The following CLEC2L variants were observed in gnomAD, a reference collection of about 807,000 sequenced individuals.
CLEC2L encodes C-type lectin domain family 2, member L.
In CLEC2L, 14 loss-of-function variants were observed where a neutral mutation model predicts 23.6. The ratio of observed to expected loss-of-function variants is 0.59; its 90% CI spans 0.39 to 0.93. The LOEUF is 0.93. CLEC2L is among the 40% of genes least tolerant of loss of function. The pLI, the probability that CLEC2L is intolerant of heterozygous loss-of-function variation, is 0.00. For missense variants in CLEC2L, 264 were observed against 282.4 expected (o/e 0.93, Z 0.47); for synonymous variants, 114 against 121.3 (o/e 0.94, Z 0.40).
rs538573610 is a variant in CLEC2L, at chr7:139,538,511, G to C, written c.266-1810G>C. On this transcript the variant is annotated intron_variant, in intron 2 of 4. Transcript: ENST00000422142. Reference sequence around the variant, plus strand: ...CGCCTGTAATCCCAGCACTTTGGGAGGTCCAGGTGGGTGGATCACAAGGTC... The same window carrying C: ...CGCCTGTAATCCCAGCACTTTGGGACGTCCAGGTGGGTGGATCACAAGGTC... 6.7e-3 allele frequency among the ~76,000 whole-genome samples: 1,011 copies of C among 151,578 alleles called. 4 individuals carry two copies. The highest frequency in any genetic ancestry group is 9.4e-3 in the Non-Finnish European group (637 of 67,970).
At chr7:139,528,070 C>A (rs960371869) in intron 1 of CLEC2L, among the ~76,000 whole-genome samples, 2 of 152,110 alleles carry the variant, frequency 1.3e-5, no homozygotes, top group African/African-American at 4.8e-5. Flanking sequence ...ATAAACTACA[C>A]CCTTATACGC....
chr7:139,534,733 C>T (rs554313422), intron 1 of CLEC2L, among the ~76,000 whole-genome samples: 2 of 151,846 alleles, frequency 1.3e-5, no homozygotes, highest in South Asian at 2.1e-4. Context: ...CCCCGTTGCC[C>T]CCTCTTTTTT....
intron 4 of CLEC2L, among the ~76,000 whole-genome samples, chr7:139,543,936 A>T (rs113895925): frequency 0.017 from 2,515 of 152,248 alleles, 86 homozygotes; most frequent in African/African-American, 0.057. Context: ...ACTGGGTGCC[A>T]TGGAGCCTGG....
Position 139,539,987 on chromosome 7 carries a change from G to T in CLEC2L, c.266-334G>T. ...TGTCCTGCTGTTGGTACCTGGCCTA[G>T]CTGGAAGGAGAGGACACATAGCCGC... On this transcript the variant is annotated intron_variant, in intron 2 of 4. Coordinates refer to ENST00000422142, the MANE Select transcript of CLEC2L (RefSeq NM_001080511.4). This position sits in a 1 kb window ranked among gnomAD's most constrained non-coding sequence, Gnocchi z 4.1. 3.3e-6 allele frequency: 1 copy of T among 306,042 alleles called. No individual in the cohort carries two copies. The highest frequency in any genetic ancestry group is 6.2e-6 in the Non-Finnish European group (1 of 161,050). 19.0% of individuals were successfully genotyped at this position (306,042 alleles called of 1,614,324 possible). A position where few individuals can be genotyped will look rare whatever the true frequency, so the allele number is the denominator to read the frequency against.
At position 139,540,182 on chromosome 7, in the gene CLEC2L, C is replaced by G. The variant is rs1261621682; in HGVS notation, c.266-139C>G. 1.3e-6 allele frequency: 1 copy of G among 791,512 alleles called. No individual in the cohort carries two copies. Among genetic ancestry groups the G allele is most frequent in the African/African-American group, 1.7e-5 (1 of 57,526 alleles). 49.0% of individuals were successfully genotyped at this position (791,512 alleles called of 1,614,324 possible). Reference sequence around the variant, plus strand: ...TCATTTAGTGGCCACCCTTTTACCTCCAGGCACCAGGAGAGGACAGCCACA... The same window carrying G: ...TCATTTAGTGGCCACCCTTTTACCTGCAGGCACCAGGAGAGGACAGCCACA... On this transcript the variant is annotated intron_variant, in intron 2 of 4. Coordinates refer to ENST00000422142, the MANE Select transcript of CLEC2L (RefSeq NM_001080511.4). This position sits in a 1 kb window ranked among gnomAD's most constrained non-coding sequence, Gnocchi z 5.8.
intron 4 of CLEC2L, 72 bp from the exon 5 acceptor site, chr7:139,544,159 G>T (rs1227276087): frequency 3.6e-6 from 4 of 1,125,544 alleles, no homozygotes; most frequent in East Asian, 2.5e-5. Context: ...GGCCTCCATG[G>T]CCTCCCCTGC....
intron 1 of CLEC2L, among the ~76,000 whole-genome samples, chr7:139,533,821 G>GA (rs1388676361): frequency 1.3e-5 from 2 of 152,204 alleles, no homozygotes; most frequent in East Asian, 1.9e-4. Flanking sequence ...AATTGCTACA[G>GA]ATTCTTCCTC....
At chr7:139,525,055 G>A (rs1328131788) in intron 1 of CLEC2L, among the ~76,000 whole-genome samples, 3 of 152,196 alleles carry the variant, frequency 2.0e-5, no homozygotes, top group Non-Finnish European at 4.4e-5. Flanking sequence ...TCTGTGCCAC[G>A]TGGGAACTGA....
At chr7:139,536,478 A>G in intron 2 of CLEC2L, 130 bp downstream of exon 2, 1 of 752,876 alleles carries the variant, frequency 1.3e-6, no homozygotes, top group Non-Finnish European at 2.2e-6. Context: ...TAGAAAATAC[A>G]TAGTGTCAGT....
At chr7:139,525,480 G>A (rs116375089) in intron 1 of CLEC2L, among the ~76,000 whole-genome samples, 1,593 of 152,156 alleles carry the variant, frequency 0.01, 24 homozygotes, top group African/African-American at 0.036. Flanking sequence ...GCGTCACCAA[G>A]GAGAAGAGCT....
At chr7:139,525,193 T>G (rs1797489732) in intron 1 of CLEC2L, among the ~76,000 whole-genome samples, 1 of 140,834 alleles carries the variant, frequency 7.1e-6, no homozygotes, top group Non-Finnish European at 1.5e-5. Flanking sequence ...GGGGTGGAGA[T>G]GGTGGGCTTG....
chr7:139,534,574 G>T, intron 1 of CLEC2L: 1 of 736,038 alleles, frequency 1.4e-6, no homozygotes, highest in South Asian at 1.4e-5. Flanking sequence ...GAAGCATTAG[G>T]GGGGTTGGGG....
At chr7:139,537,258 G>A (rs1797673083) in intron 2 of CLEC2L, among the ~76,000 whole-genome samples, 2 of 152,122 alleles carry the variant, frequency 1.3e-5, no homozygotes, top group African/African-American at 2.4e-5. Flanking sequence ...GCCCTCTTAA[G>A]TTCAGTGTCT....
At chr7:139,534,965 A>G (rs1797632146) in intron 1 of CLEC2L, among the ~76,000 whole-genome samples, 1 of 151,624 alleles carries the variant, frequency 6.6e-6, no homozygotes, top group African/African-American at 2.4e-5. Context: ...CTTTAGTAAA[A>G]AAAAAAAAAA....
chr7:139,542,465 G>C (rs1247422159), intron 4 of CLEC2L, among the ~76,000 whole-genome samples: 1 of 152,172 alleles, frequency 6.6e-6, no homozygotes, highest in Non-Finnish European at 1.5e-5. Flanking sequence ...AGCCAGAACG[G>C]GACAGAGAAT....
rs1797723377 is a variant in CLEC2L at position 139,540,828 on chromosome 7, A to AG, written c.432+343dup. The stretch of plus-strand genomic sequence containing the variant: ...CAGCTACTCAGGAGGCTGAGGCAGG[A>AG]GGATCACTTGAGCCCAGGAGTTGGG... On this transcript the variant is annotated intron_variant, in intron 3 of 4. Coordinates refer to ENST00000422142, the MANE Select transcript of CLEC2L (RefSeq NM_001080511.4). This position sits in a 1 kb window ranked among gnomAD's most constrained non-coding sequence, Gnocchi z 5.8. Among the ~76,000 whole-genome samples the AG allele has an allele frequency of 6.6e-6, 1 of 152,190 alleles. No individual in the cohort carries two copies. The highest frequency in any genetic ancestry group is 6.5e-5 in the Admixed American group (1 of 15,280).
chr7:139,530,190 A>C (rs1797561484), intron 1 of CLEC2L, among the ~76,000 whole-genome samples: 1 of 152,030 alleles, frequency 6.6e-6, no homozygotes, highest in African/African-American at 2.4e-5. Flanking sequence ...TGTCAAAAAA[A>C]AAACCAAACC....
chr7:139,532,424 A>G (rs936920515), intron 1 of CLEC2L, among the ~76,000 whole-genome samples: 3 of 152,162 alleles, frequency 2.0e-5, no homozygotes, highest in Non-Finnish European at 4.4e-5. Flanking sequence ...CCAACATAGG[A>G]GAGAGGCAGA....
chr7:139,532,108 A>T (rs1004132819), intron 1 of CLEC2L, among the ~76,000 whole-genome samples: 1 of 152,212 alleles, frequency 6.6e-6, no homozygotes, highest in African/African-American at 2.4e-5. Context: ...GAAAAGGATC[A>T]TGGGTGAGAA....
Sources: allele counts gnomAD v4.1 joint callset (sites outside exome capture counted in the v4.1 genomes callset), GRCh38; gene constraint gnomAD v4.1.1; non-coding constraint Gnocchi (gnomAD v3.1); transcripts MANE v1.5; gene names NCBI Gene and HGNC (gene_info 2026-07-23, HGNC 2026-07-21).